SLC16A14: variants seen among roughly 807,000 people sequenced by gnomAD.
SLC16A14 encodes monocarboxylate transporter 14.
Under a neutral mutation model 35.8 loss-of-function variants are expected in SLC16A14, and 14 were observed. That is an observed-to-expected ratio of 0.39 (90% CI 0.26 to 0.61). The LOEUF (loss-of-function observed/expected upper bound fraction) is 0.61, where lower values mean the gene tolerates loss of function less well. Ranked by LOEUF, SLC16A14 falls within the 20% of genes least tolerant of loss-of-function variation. SLC16A14 has a pLI of 0.51. For synonymous variants in SLC16A14, 248 were observed against 258.9 expected, an observed-to-expected ratio of 0.96 and a Z score of 0.40; for missense variants, 533 against 655.0, an observed-to-expected ratio of 0.81 and a Z score of 2.03.
intron 2 of SLC16A14, among the ~76,000 whole-genome samples, chr2:230,053,228 T>G (rs986047280): frequency 6.6e-6 from 1 of 152,154 alleles, no homozygotes; most frequent in African/African-American, 2.4e-5. Context: ...TGTGAGCCAC[T>G]GTGCCAGCTG....
chr2:230,052,915 C>A (rs138345342), intron 2 of SLC16A14, among the ~76,000 whole-genome samples: 153 of 149,650 alleles, frequency 1.0e-3, no homozygotes, highest in East Asian at 6.8e-3. Context: ...TCCTCCCCCC[C>A]TTCCTTCCCT....
chr2:230,062,987 A>G lies in SLC16A14; in HGVS notation c.-14-3621T>C, dbSNP rs531636385. Among the ~76,000 whole-genome samples the G allele has an allele frequency of 2.0e-5, 3 of 152,262 alleles. No homozygotes were observed. The South Asian group carries it at 6.2e-4, about 32-fold the overall frequency. On this transcript the variant is annotated intron_variant, in intron 1 of 4. Coordinates refer to ENST00000295190, the MANE Select transcript of SLC16A14 (RefSeq NM_152527.5). The stretch of plus-strand genomic sequence containing the variant: ...GATTGCTGGGAGTGATAAAATGTTT[A>G]TCTCAGAAGCCAATTTCCAGGCCGG...
Position 230,046,500 on chromosome 2 carries a change from A to G in SLC16A14, c.626T>C (p.Met209Thr). The change falls in exon 4 of 5, where the codon ATG becomes ACG. Residue 209 changes from methionine (M) to threonine (T), a missense_variant. Coordinates refer to ENST00000295190, the MANE Select transcript of SLC16A14 (RefSeq NM_152527.5). This position sits in a 1 kb window ranked among gnomAD's most constrained non-coding sequence, Gnocchi z 5.0. ...GTTTTTACCAGGAGAGAGGGGCCTC[A>G]TGAGCGCCCCACAAACACACAGGTT... The part of the protein sequence containing the change: ...SLNLCVCGAL[M>T]RPLSPGKNPN... 1 of 1,614,214 alleles carries G rather than the reference A, an allele frequency of 6.2e-7. No homozygotes were observed. The highest frequency in any genetic ancestry group is 8.5e-7 in the Non-Finnish European group (1 of 1,180,024).
intron 4 of SLC16A14, among the ~76,000 whole-genome samples, chr2:230,045,484 T>C (rs952712095): frequency 5.3e-5 from 8 of 151,634 alleles, no homozygotes; most frequent in African/African-American, 1.9e-4. Context: ...CACTTGAACC[T>C]GGGAGGTAGA....
chr2:230,046,312 C>A lies in SLC16A14; in HGVS notation c.814G>T (p.Gly272Trp). 6.2e-7 allele frequency: 1 copy of A among 1,614,156 alleles called. No homozygotes were observed. Among genetic ancestry groups the A allele is most frequent in the Admixed American group, 1.7e-5 (1 of 60,018 alleles). The part of the protein sequence containing the change: ...LQAQECPDQA[G>W]HRKNMCALRI... Reference sequence around the variant, plus strand: ...AGGGCACACATGTTCTTCCTGTGCCCGGCCTGATCGGGGCACTCCTGGGCT... The same window carrying A: ...AGGGCACACATGTTCTTCCTGTGCCAGGCCTGATCGGGGCACTCCTGGGCT... Residue 272 changes from glycine to tryptophan, a missense_variant, in exon 4 of 5, where the codon GGG becomes TGG. By Grantham distance (184) the Gly-to-Trp change is radical. Transcript: ENST00000295190. This position sits in a 1 kb window ranked among gnomAD's most constrained non-coding sequence, Gnocchi z 5.0.
In SLC16A14 at chr2:230,038,056, A is replaced by G. The variant is rs72994933; in HGVS notation, c.1382-525T>C. 0.052 allele frequency among the ~76,000 whole-genome samples: 7,937 copies of G among 152,312 alleles called. 267 individuals carry two copies. Among genetic ancestry groups the G allele is most frequent in the Non-Finnish European group, 0.086 (5,883 of 68,028 alleles). On this transcript the variant is annotated intron_variant, in intron 4 of 4. Transcript: ENST00000295190. This position sits in a 1 kb window ranked among gnomAD's most constrained non-coding sequence, Gnocchi z 4.4. ...ATTTGAGGGTACACATTTGTTCTAGAAAGAATCAAAATCTTCAGGTGTTAT... is the reference window on the plus strand; with the variant it reads ...ATTTGAGGGTACACATTTGTTCTAGGAAGAATCAAAATCTTCAGGTGTTAT...
intron 2 of SLC16A14, among the ~76,000 whole-genome samples, chr2:230,054,730 A>T (rs1035540586): frequency 3.3e-5 from 5 of 152,124 alleles, no homozygotes; most frequent in Admixed American, 3.3e-4. Context: ...AAATGAGGTG[A>T]TTACGTTTTA....
At chr2:230,040,225 T>G (rs944855123) in intron 4 of SLC16A14, among the ~76,000 whole-genome samples, 2 of 151,730 alleles carry the variant, frequency 1.3e-5, no homozygotes, top group African/African-American at 4.8e-5. Flanking sequence ...ATTATTATTA[T>G]TATTATTATT....
rs1275277222 is a variant in SLC16A14, at chr2:230,035,450, A to T, written c.*1930T>A. 2.6e-5 allele frequency: 4 copies of T among 152,684 alleles called. No individual in the cohort carries two copies. The highest frequency in any genetic ancestry group is 4.4e-5 in the Non-Finnish European group (3 of 68,042). 9.5% of individuals were successfully genotyped at this position (152,684 alleles called of 1,614,324 possible). ...TAGTTTGATGTTGTCGGAAAATGAA[A>T]GTAATGAAGCAATGTAGTTTTTAAA... On this transcript the variant is annotated 3_prime_UTR_variant, in exon 5 of 5. Coordinates refer to ENST00000295190, the MANE Select transcript of SLC16A14 (RefSeq NM_152527.5).
chr2:230,040,235 T>TA (rs55900252), intron 4 of SLC16A14, among the ~76,000 whole-genome samples: 1 of 152,024 alleles, frequency 6.6e-6, no homozygotes. Context: ...TTATTATTAT[T>TA]TGGGACGGAG....
chr2:230,039,339 A>G (rs569474034), intron 4 of SLC16A14, among the ~76,000 whole-genome samples: 142 of 152,188 alleles, frequency 9.3e-4, no homozygotes, highest in African/African-American at 3.3e-3. Flanking sequence ...AAAAAATCTG[A>G]CTCTTTAGAA....
chr2:230,045,708 C>T lies in SLC16A14; in HGVS notation c.1381+37G>A, dbSNP rs752075734. 7.4e-6 allele frequency: 12 copies of T among 1,612,414 alleles called. No individual in the cohort carries two copies. In the South Asian group the frequency reaches 9.9e-5, roughly 13 times the overall value. On this transcript the variant is annotated intron_variant, in intron 4 of 4. Transcript: ENST00000295190. ...TTTATAACATAACGCACCATATGTA[C>T]ATGCACTCTGAGCTCTTAAAACCTC...
At chr2:230,043,219 G>T (rs1381957057) in intron 4 of SLC16A14, among the ~76,000 whole-genome samples, 1 of 152,218 alleles carries the variant, frequency 6.6e-6, no homozygotes, top group Non-Finnish European at 1.5e-5. Context: ...CTTGCTCCAG[G>T]AGGAGTCCTA....
Position 230,045,747 on chromosome 2 carries a change from G to C in SLC16A14, c.1379C>G (p.Ala460Gly), listed in dbSNP as rs138572804. ...TCTTAAAACCTCAGAGAGTTTACCT[G>C]CAAAAGGTGGTCCCAGCAATGCAGA... is the stretch of plus-strand genomic sequence containing the variant. ...GISALLGPPF[A>G]GWIYDITQKY... Residue 460 changes from alanine (A) to glycine (G), a missense_variant and splice_region_variant, in exon 4 of 5, where the codon GCA becomes GGA. Physicochemically the swap from Ala to Gly is moderately conservative, Grantham distance 60. Coordinates refer to ENST00000295190, the MANE Select transcript of SLC16A14 (RefSeq NM_152527.5). The C allele has an allele frequency of 9.9e-5, 160 of 1,614,088 alleles. No individual in the cohort carries two copies. Among genetic ancestry groups the C allele is most frequent in the Non-Finnish European group, 1.1e-4 (127 of 1,180,050 alleles).
Position 230,046,469 on chromosome 2 carries a change from G to C in SLC16A14, c.657C>G (p.Asn219Lys). ...CACGCACATCTTTCTCTCCTGGGTC[G>C]TTTGGGTTTTTACCAGGAGAGAGGG... ...MRPLSPGKNP[N>K]DPGEKDVRGL... The change falls in exon 4 of 5, where the codon AAC becomes AAG. Residue 219 changes from asparagine to lysine, a missense_variant. By Grantham distance (94) the Asn-to-Lys change is moderately conservative. Coordinates refer to ENST00000295190, the MANE Select transcript of SLC16A14 (RefSeq NM_152527.5). This position sits in a 1 kb window ranked among gnomAD's most constrained non-coding sequence, Gnocchi z 5.0. 1 of 1,614,164 alleles carries C rather than the reference G, an allele frequency of 6.2e-7. No individual in the cohort carries two copies. Among genetic ancestry groups the C allele is most frequent in the Non-Finnish European group, 8.5e-7 (1 of 1,180,028 alleles).
chr2:230,045,773 G>T lies in SLC16A14; in HGVS notation c.1353C>A (p.Ile451=). ...CAAAAGGTGGTCCCAGCAATGCAGA[G>T]ATGCCATTAGCACAGATGATGATGC... ...AYGIIICANG[I]SALLGPPFAG... is the part of the protein sequence containing the mutation. The change falls in exon 4 of 5, where the codon ATC becomes ATA. Residue 451 remains isoleucine, a synonymous_variant. Coordinates refer to ENST00000295190, the MANE Select transcript of SLC16A14 (RefSeq NM_152527.5). 6.2e-7 allele frequency: 1 copy of T among 1,614,220 alleles called. No homozygotes were observed. The highest frequency in any genetic ancestry group is 1.1e-5 in the South Asian group (1 of 91,080).
chr2:230,062,891 C>T (rs574906296), intron 1 of SLC16A14, among the ~76,000 whole-genome samples: 93 of 152,358 alleles, frequency 6.1e-4, no homozygotes, highest in South Asian at 2.3e-3. Context: ...GCCACTACAG[C>T]ACCTATGTGC....
intron 4 of SLC16A14, among the ~76,000 whole-genome samples, chr2:230,040,899 T>A (rs1179519222): frequency 6.6e-6 from 1 of 152,120 alleles, no homozygotes; most frequent in Non-Finnish European, 1.5e-5. Flanking sequence ...TCAGCACAAG[T>A]TGACACAACT....
chr2:230,039,334 A>G (rs953045337), intron 4 of SLC16A14, among the ~76,000 whole-genome samples: 2 of 152,190 alleles, frequency 1.3e-5, no homozygotes, highest in East Asian at 1.9e-4. Flanking sequence ...GAAAAAAAAA[A>G]TCTGACTCTT....
Sources: allele counts gnomAD v4.1 joint callset (sites outside exome capture counted in the v4.1 genomes callset), GRCh38; gene constraint gnomAD v4.1.1; non-coding constraint Gnocchi (gnomAD v3.1); transcripts MANE v1.5; gene names NCBI Gene and HGNC (gene_info 2026-07-23, HGNC 2026-07-21).